WDR7: variants seen among roughly 807,000 people sequenced by gnomAD.
WDR7 encodes WD repeat-containing protein 7.
Under a neutral mutation model 169.4 loss-of-function variants are expected in WDR7, and 46 were observed. The observed-to-expected ratio is 0.27, with a 90% confidence interval of 0.21 to 0.35. WDR7 has a LOEUF of 0.35. Among genes scored for constraint, WDR7 ranks in the 10% least tolerant of loss-of-function variants. The pLI is 1.00. For missense variants in WDR7, 1,534 were observed against 1,859.3 expected, an observed-to-expected ratio of 0.83 and a Z score of 3.22; for synonymous variants, 612 against 666.8, an observed-to-expected ratio of 0.92 and a Z score of 1.27.
At chr18:56,981,747 C>T (rs2047647611) in intron 26 of WDR7, among the ~76,000 whole-genome samples, 1 of 152,142 alleles carries the variant, frequency 6.6e-6, no homozygotes, top group Non-Finnish European at 1.5e-5. Flanking sequence ...CAAAAGCAAG[C>T]TCTGTGCAGT....
chr18:56,918,894 A>G (rs1220646806), intron 21 of WDR7, among the ~76,000 whole-genome samples: 2 of 152,232 alleles, frequency 1.3e-5, no homozygotes, highest in Admixed American at 1.3e-4. Context: ...CAAACATAAA[A>G]GTGTTTTTCT....
chr18:56,691,729 G>C lies in WDR7; in HGVS notation c.878G>C (p.Ser293Thr). Residue 293 changes from serine to threonine, a missense_variant, in exon 9 of 28, where the codon AGT becomes ACT. Coordinates refer to ENST00000254442, the MANE Select transcript of WDR7 (RefSeq NM_015285.3). The stretch of plus-strand genomic sequence containing the variant: ...CCCATATTCAGTTGCCTTCCAGCTA[G>C]TGATTCATTCCGCAGTGATGTGGGG... Reference protein sequence around the residue: ...YKLPASCLPASDSFRSDVGKA... With the variant: ...YKLPASCLPATDSFRSDVGKA... 1 of 1,609,696 alleles carries C rather than the reference G, an allele frequency of 6.2e-7. No homozygotes were observed. The highest frequency in any genetic ancestry group is 8.5e-7 in the Non-Finnish European group (1 of 1,178,828).
At chr18:57,022,553 A>G (rs959335831) in intron 27 of WDR7, among the ~76,000 whole-genome samples, 5 of 152,246 alleles carry the variant, frequency 3.3e-5, no homozygotes, top group Admixed American at 6.5e-5. Context: ...TATATAAGAA[A>G]TACCTCACAT....
chr18:56,978,004 C>T (rs117694817), intron 26 of WDR7, among the ~76,000 whole-genome samples: 2,157 of 152,236 alleles, frequency 0.014, 27 homozygotes, highest in Non-Finnish European at 0.019. Context: ...CTTGTAGACA[C>T]GTATATAAGC....
chr18:56,691,095 G>T (rs1201543718), intron 7 of WDR7, 121 bp from the exon 8 acceptor site: 2 of 1,369,242 alleles, frequency 1.5e-6, no homozygotes, highest in Non-Finnish European at 2.0e-6. Context: ...TTCTTTATCT[G>T]ATGCAGCAAA....
In WDR7 at chr18:56,781,543, C is replaced by T; in HGVS notation, c.3077C>T (p.Ala1026Val). The change falls in exon 19 of 28, where the codon GCC (alanine) becomes GTC (valine). Residue 1026 changes from alanine to valine, a missense_variant. Transcript: ENST00000254442. ...WQDRCLEVRE[A>V]AQALLLAELR... is the part of the protein sequence containing the mutation. ...GGTCTGTGGTCTTAGGTGAGAGAAG[C>T]CGCGCAGGCCCTGCTTCTGGCGGAA... The T allele has an allele frequency of 6.2e-7, 1 of 1,606,352 alleles. No individual in the cohort carries two copies. Among genetic ancestry groups the T allele is most frequent in the Non-Finnish European group, 8.5e-7 (1 of 1,176,106 alleles).
At chr18:56,853,791 AG>A (rs2045676766) in intron 20 of WDR7, among the ~76,000 whole-genome samples, 1 of 152,212 alleles carries the variant, frequency 6.6e-6, no homozygotes, top group Non-Finnish European at 1.5e-5. Flanking sequence ...AGCTTAAAAA[AG>A]GTATTGCAGT....
chr18:56,674,834 A>G (rs945010554), intron 2 of WDR7, among the ~76,000 whole-genome samples: 1 of 152,158 alleles, frequency 6.6e-6, no homozygotes, highest in Non-Finnish European at 1.5e-5. Context: ...TTCGATCCAT[A>G]TTAGTTAATT....
chr18:56,959,599 G>A (rs761512519), intron 25 of WDR7, among the ~76,000 whole-genome samples: 4 of 152,072 alleles, frequency 2.6e-5, no homozygotes, highest in Non-Finnish European at 4.4e-5. Flanking sequence ...GTGAACTGGA[G>A]ACCAAGACAC....
At chr18:56,765,198 C>T (rs189581645) in intron 16 of WDR7, among the ~76,000 whole-genome samples, 4 of 151,904 alleles carry the variant, frequency 2.6e-5, no homozygotes, top group Non-Finnish European at 5.9e-5. Context: ...CCAATCTGAC[C>T]TGCTTTTTAC....
intron 12 of WDR7, among the ~76,000 whole-genome samples, chr18:56,708,212 T>G (rs1435729618): frequency 6.6e-6 from 1 of 151,888 alleles, no homozygotes; most frequent in African/African-American, 2.4e-5. Context: ...TTTTGTATTT[T>G]TAGTAGAGAT....
At chr18:56,769,277 T>G (rs567211278) in intron 16 of WDR7, among the ~76,000 whole-genome samples, 1 of 151,940 alleles carries the variant, frequency 6.6e-6, no homozygotes, top group African/African-American at 2.4e-5. Flanking sequence ...TGGACCGCAG[T>G]GGTGCAATCG....
At position 56,685,958 on chromosome 18, in the gene WDR7, G is replaced by C. The variant is rs1227821743; in HGVS notation, c.523G>C (p.Asp175His). 2 of 1,600,276 alleles carry C rather than the reference G, an allele frequency of 1.2e-6. No individual in the cohort carries two copies. ...TTTTTTGTCCCTTCTCATTTTAGAG[G>C]ACACAGTGGTAGCACTCTCGGTGAC... The part of the protein sequence containing the change: ...SIIRSHRTQE[D>H]TVVALSVTGI... Residue 175 changes from aspartate (D) to histidine (H), a missense_variant and splice_region_variant, in exon 6 of 28, where the codon GAC becomes CAC. Coordinates refer to ENST00000254442, the MANE Select transcript of WDR7 (RefSeq NM_015285.3).
chr18:57,030,049 G>A (rs2048427000), downstream of WDR7: 1 of 152,132 alleles, frequency 6.6e-6, no homozygotes, highest in African/African-American at 2.4e-5. Context: ...TACTCTACAT[G>A]CTCCCAAATA....
intron 19 of WDR7, among the ~76,000 whole-genome samples, chr18:56,803,830 C>T (rs1471620476): frequency 6.6e-6 from 1 of 152,196 alleles, no homozygotes; most frequent in East Asian, 1.9e-4. Flanking sequence ...GAGACAGGGT[C>T]TTGCTCCGTC....
At chr18:56,715,600 G>T (rs571673524) in intron 12 of WDR7, among the ~76,000 whole-genome samples, 1 of 152,230 alleles carries the variant, frequency 6.6e-6, no homozygotes, top group Admixed American at 6.5e-5. Context: ...TTGGGAGGCT[G>T]AGGCAGGCGG....
intron 26 of WDR7, among the ~76,000 whole-genome samples, chr18:56,975,487 T>G (rs1368677943): frequency 1.3e-5 from 2 of 151,928 alleles, no homozygotes; most frequent in Non-Finnish European, 2.9e-5. Context: ...GGAATGAGAT[T>G]CTGGAAAGCC....
intron 21 of WDR7, among the ~76,000 whole-genome samples, chr18:56,922,086 G>A (rs957764729): frequency 6.6e-6 from 1 of 152,208 alleles, no homozygotes; most frequent in Non-Finnish European, 1.5e-5. Context: ...GATGTCTGCA[G>A]AGAATAGCAG....
At chr18:56,791,145 G>T (rs1029871784) in intron 19 of WDR7, among the ~76,000 whole-genome samples, 29 of 149,654 alleles carry the variant, frequency 1.9e-4, no homozygotes, top group African/African-American at 5.2e-4. Flanking sequence ...CAGGGTTTTT[G>T]TGTGTGTGTG....
Sources: gnomAD v4.1 joint callset for allele counts (sites outside exome capture counted in the v4.1 genomes callset) on GRCh38, gnomAD v4.1.1 for gene constraint, MANE v1.5 for transcripts, NCBI Gene and HGNC (gene_info 2026-07-23, HGNC 2026-07-21) for gene names.